Variants in DSCAM observed in about 807,000 individuals in gnomAD.
DSCAM encodes the protein cell adhesion molecule DSCAM.
In DSCAM, 47 loss-of-function variants were observed where a neutral mutation model predicts 217.7. The observed-to-expected ratio is 0.22, with a 90% CI of 0.17 to 0.28. The LOEUF (loss-of-function observed/expected upper bound fraction) is 0.28, where lower values mean the gene tolerates loss of function less well. Ranked by LOEUF, DSCAM falls within the 10% of genes least tolerant of loss-of-function variation. DSCAM has a pLI of 1.00. For synonymous variants in DSCAM, 1,056 were observed against 1,015.3 expected, an observed-to-expected ratio of 1.04 and a Z score of -0.76; for missense variants, 2,080 against 2,618.3, an observed-to-expected ratio of 0.79 and a Z score of 4.49.
intron 4 of DSCAM, among the ~76,000 whole-genome samples, chr21:40,361,299 T>C (rs575945977): frequency 1.3e-5 from 2 of 152,288 alleles, no homozygotes; most frequent in South Asian, 4.1e-4. Flanking sequence ...TTTTACTTTG[T>C]TTTTGGTGGT....
Position 40,648,898 on chromosome 21 carries a change from C to T in DSCAM, c.508+43912G>A, listed in dbSNP as rs113534063. The stretch of plus-strand genomic sequence containing the variant: ...AGTGTATCCTCATTCTTCTTGGACA[C>T]GGGACAGGAGCTCGGGAACTGCCAA... On this transcript the variant is annotated intron_variant, in intron 3 of 32. Transcript: ENST00000400454. 4.1e-3 allele frequency among the ~76,000 whole-genome samples: 626 copies of T among 152,224 alleles called. 4 individuals are homozygous for T. Among genetic ancestry groups the T allele is most frequent in the African/African-American group, 0.014 (591 of 41,546 alleles).
intron 11 of DSCAM, among the ~76,000 whole-genome samples, chr21:40,236,886 G>A (rs2073087584): frequency 6.6e-6 from 1 of 152,182 alleles, no homozygotes; most frequent in African/African-American, 2.4e-5. Flanking sequence ...GAGGAGAACA[G>A]TGCGAGAAGC....
intron 1 of DSCAM, among the ~76,000 whole-genome samples, chr21:40,749,303 A>T (rs1291921974): frequency 6.6e-6 from 1 of 152,174 alleles, no homozygotes; most frequent in African/African-American, 2.4e-5. Flanking sequence ...GGGGAAAAAA[A>T]ACTATTTGTG....
At chr21:40,098,651 T>C (rs1261449751) in intron 20 of DSCAM, among the ~76,000 whole-genome samples, 1 of 152,244 alleles carries the variant, frequency 6.6e-6, no homozygotes, top group Non-Finnish European at 1.5e-5. Context: ...AGTCATGCAA[T>C]TAAACAGGGG....
chr21:40,197,343 C>A (rs113663397), intron 11 of DSCAM, among the ~76,000 whole-genome samples: 8,783 of 152,128 alleles, frequency 0.058, 586 homozygotes, highest in African/African-American at 0.17. Flanking sequence ...TGGTCTCGAT[C>A]TCCTGACCTT....
intron 11 of DSCAM, among the ~76,000 whole-genome samples, chr21:40,219,803 G>A (rs1164694776): frequency 1.3e-5 from 2 of 151,964 alleles, no homozygotes; most frequent in African/African-American, 4.8e-5. Context: ...GAATTTTTTT[G>A]AGTAGCATTC....
chr21:40,420,214 C>A (rs894463428), intron 3 of DSCAM, among the ~76,000 whole-genome samples: 8 of 147,328 alleles, frequency 5.4e-5, no homozygotes, highest in African/African-American at 2.0e-4. Context: ...TATATATAAA[C>A]AATGCCAATT....
chr21:40,729,545 T>C (rs971583087), intron 1 of DSCAM, among the ~76,000 whole-genome samples: 1 of 152,246 alleles, frequency 6.6e-6, no homozygotes, highest in Middle Eastern at 3.2e-3. Flanking sequence ...TCCTTTGTAA[T>C]CACTTAACAT....
In DSCAM at chr21:40,624,870, T is replaced by C. The variant is rs141391903; in HGVS notation, c.508+67940A>G. Among the ~76,000 whole-genome samples, 656 of 152,326 alleles carry C rather than the reference T, an allele frequency of 4.3e-3. 4 individuals carry two copies. The highest frequency in any genetic ancestry group is 0.015 in the African/African-American group (620 of 41,566). ...TTTGAAAGAAATGAGGTGTAAGTAA[T>C]TGAATGATAATCTAAATAGCATATT... On this transcript the variant is annotated intron_variant, in intron 3 of 32. Transcript: ENST00000400454.
At chr21:40,560,775 G>C (rs2076714347) in intron 3 of DSCAM, among the ~76,000 whole-genome samples, 1 of 152,172 alleles carries the variant, frequency 6.6e-6, no homozygotes. Flanking sequence ...AGCTGACTGG[G>C]GATTGCAGCT....
intron 28 of DSCAM, among the ~76,000 whole-genome samples, chr21:40,056,883 TC>T (rs999918402): frequency 1.3e-5 from 2 of 152,182 alleles, no homozygotes; most frequent in Admixed American, 6.5e-5. Flanking sequence ...TTAAATGCTT[TC>T]CCCTCTAACC....
intron 3 of DSCAM, among the ~76,000 whole-genome samples, chr21:40,631,421 TTAAAA>T (rs1338596616): frequency 6.6e-6 from 1 of 152,188 alleles, no homozygotes; most frequent in African/African-American, 2.4e-5. Context: ...TGTTATTTCT[TTAAAA>T]TAAAATGTGT....
intron 14 of DSCAM, among the ~76,000 whole-genome samples, chr21:40,183,927 G>A (rs2090866470): frequency 6.6e-6 from 1 of 152,188 alleles, no homozygotes; most frequent in Non-Finnish European, 1.5e-5. Context: ...TGGTTATTAT[G>A]AGTCTCGTAT....
At chr21:40,271,480 A>G (rs1445164213) in intron 11 of DSCAM, among the ~76,000 whole-genome samples, 1 of 152,152 alleles carries the variant, frequency 6.6e-6, no homozygotes, top group African/African-American at 2.4e-5. Flanking sequence ...GAAAGTTGGG[A>G]GCGGGGAGGA....
chr21:40,033,902 C>T (rs1214893647), intron 32 of DSCAM, among the ~76,000 whole-genome samples: 1 of 98,878 alleles, frequency 1.0e-5, no homozygotes, highest in Non-Finnish European at 2.5e-5. Flanking sequence ...TGGGAGGCAC[C>T]CCCCAGCAGG....
At chr21:40,233,045 C>T (rs1054841398) in intron 11 of DSCAM, among the ~76,000 whole-genome samples, 4 of 151,908 alleles carry the variant, frequency 2.6e-5, no homozygotes, top group African/African-American at 7.3e-5. Flanking sequence ...CGTGAGATAA[C>T]GGAGAGGATC....
intron 11 of DSCAM, among the ~76,000 whole-genome samples, chr21:40,194,656 C>T (rs539536171): frequency 7.9e-5 from 12 of 152,308 alleles, no homozygotes; most frequent in African/African-American, 2.6e-4. Context: ...TATTATCTAA[C>T]AGCATCCTTA....
At chr21:40,295,516 G>C (rs192995257) in intron 10 of DSCAM, among the ~76,000 whole-genome samples, 1 of 152,104 alleles carries the variant, frequency 6.6e-6, no homozygotes, top group South Asian at 2.1e-4. Flanking sequence ...TGAGACAATC[G>C]CAATAGGACA....
intron 4 of DSCAM, among the ~76,000 whole-genome samples, chr21:40,364,953 CTTTTA>C (rs989991812): frequency 6.7e-6 from 1 of 150,014 alleles, no homozygotes; most frequent in Non-Finnish European, 1.5e-5. Context: ...GAATTTCATA[CTTTTA>C]TTTTTCTCTT....
Sources: gnomAD v4.1 joint callset for allele counts (sites outside exome capture counted in the v4.1 genomes callset) on GRCh38, gnomAD v4.1.1 for gene constraint, MANE v1.5 for transcripts, NCBI Gene and HGNC (gene_info 2026-07-23, HGNC 2026-07-21) for gene names.